Variants in PRH1 observed in about 807,000 individuals in gnomAD.
PRH1 encodes the protein salivary acidic proline-rich phosphoprotein 1/2.
PRH1 carries 7 observed loss-of-function variants against 7.9 expected under a neutral mutation model. That is an observed-to-expected ratio of 0.89 (90% CI 0.50 to 1.67). The LOEUF (loss-of-function observed/expected upper bound fraction) is 1.67. Among genes scored for constraint, PRH1 ranks in the 40% most tolerant of loss-of-function variants. The probability of loss-of-function intolerance (pLI) is 0.00; values close to 1 mark genes in which losing one functional copy is unlikely to be tolerated. For missense variants in PRH1, 109 were observed against 223.6 expected, an observed-to-expected ratio of 0.49 and a Z score of 3.27; for synonymous variants, 45 against 80.8, an observed-to-expected ratio of 0.56 and a Z score of 2.38.
At chr12:11,098,853 T>C (rs902284304) in intron 1 of PRH1, among the ~76,000 whole-genome samples, 59 of 152,150 alleles carry the variant, frequency 3.9e-4, no homozygotes, top group Non-Finnish European at 7.6e-4. Flanking sequence ...ACACCACTTA[T>C]GAATGGAACA....
chr12:10,944,161 C>A (rs1047278298), intron 2 of PRH1, among the ~76,000 whole-genome samples: 1 of 152,154 alleles, frequency 6.6e-6, no homozygotes, highest in African/African-American at 2.4e-5. Flanking sequence ...TCTGTACATT[C>A]CTTTGGGCAG....
At chr12:10,986,290 A>G (rs777715981) in intron 1 of PRH1, 1 of 1,613,980 alleles carries the variant, frequency 6.2e-7, no homozygotes, top group African/African-American at 1.3e-5. Context: ...GATATCAGGG[A>G]CAGAGTAAAG....
chr12:10,939,982 T>C (rs1051612392), intron 2 of PRH1, among the ~76,000 whole-genome samples: 4 of 152,044 alleles, frequency 2.6e-5, no homozygotes, highest in African/African-American at 7.2e-5. Context: ...CATAAATGTA[T>C]GCAAGTAAAA....
chr12:10,974,533 G>T (rs909970922), intron 1 of PRH1, among the ~76,000 whole-genome samples: 2 of 151,976 alleles, frequency 1.3e-5, no homozygotes, highest in Non-Finnish European at 2.9e-5. Flanking sequence ...CTGATCCTTG[G>T]CACCCCCAAA....
rs180729242 is a variant in PRH1, at chr12:10,927,712, C to T, written c.-58-43437G>A. On this transcript the variant is annotated intron_variant, in intron 2 of 3. Coordinates refer to the PRH1 transcript ENST00000539853. ...TCCACCCATGCACATCTGTCTAGGG[C>T]CTTGTCTTTATGATTTTCTGTCACA... 1.2e-4 allele frequency among the ~76,000 whole-genome samples: 18 copies of T among 152,318 alleles called. No individual in the cohort carries two copies. In the East Asian group the frequency reaches 2.7e-3, roughly 23 times the overall value.
At chr12:11,018,120 T>C (rs1015258436) in intron 1 of PRH1, among the ~76,000 whole-genome samples, 1 of 152,132 alleles carries the variant, frequency 6.6e-6, no homozygotes, top group Admixed American at 6.6e-5. Flanking sequence ...TCAAAGCTGC[T>C]AGAGGCATGC....
chr12:11,053,909 C>T (rs1376850490), intron 1 of PRH1, among the ~76,000 whole-genome samples: 1 of 152,188 alleles, frequency 6.6e-6, no homozygotes, highest in Admixed American at 6.5e-5. Flanking sequence ...CAACCTCCGC[C>T]TCCAAGGTTC....
At chr12:11,003,513 C>A (rs1172979120) in intron 1 of PRH1, among the ~76,000 whole-genome samples, 24 of 151,842 alleles carry the variant, frequency 1.6e-4, no homozygotes, top group Non-Finnish European at 1.3e-4. Flanking sequence ...ATGATAATCA[C>A]TTATATGTTT....
upstream of PRH1, chr12:11,048,550 A>G (rs760635425): frequency 1.8e-5 from 10 of 567,174 alleles, no homozygotes; most frequent in Non-Finnish European, 3.2e-5. Flanking sequence ...GGCAAATAAC[A>G]TAAGGAAGGA....
chr12:11,069,438 TCTC>T (rs1943966623), intron 1 of PRH1, among the ~76,000 whole-genome samples: 1 of 148,864 alleles, frequency 6.7e-6, no homozygotes. Context: ...TCTTGGGCAA[TCTC>T]ATGTTTTCAG....
chr12:11,116,088 A>C (rs528883423), downstream of PRH1, among the ~76,000 whole-genome samples: 1 of 152,210 alleles, frequency 6.6e-6, no homozygotes, highest in Admixed American at 6.5e-5. Context: ...AAAACAATAC[A>C]AAAGATCAAT....
intron 2 of PRH1, among the ~76,000 whole-genome samples, chr12:10,962,750 G>T (rs1938299391): frequency 6.6e-6 from 1 of 152,270 alleles, no homozygotes; most frequent in African/African-American, 2.4e-5. Context: ...AATAAGCAAG[G>T]TCTGCAGGAT....
intron 1 of PRH1, among the ~76,000 whole-genome samples, chr12:11,024,094 T>C (rs913967727): frequency 1.4e-4 from 22 of 152,252 alleles, no homozygotes; most frequent in African/African-American, 5.1e-4. Flanking sequence ...TTTCCTAAAG[T>C]TGCAACTAAA....
rs1005807125 is a variant in PRH1, at chr12:11,152,381, G to T, written n.39+19041C>A. Among the ~76,000 whole-genome samples, 3 of 151,682 alleles carry T rather than the reference G, an allele frequency of 2.0e-5. 1 individual carries two copies. The highest frequency in any genetic ancestry group is 2.0e-4 in the Admixed American group (3 of 15,242). Reference sequence around the variant, plus strand: ...TTCATTATTTTTGACATATGCAAGAGTATTTCTTCACAAGAAAATTTTGAT... The same window carrying T: ...TTCATTATTTTTGACATATGCAAGATTATTTCTTCACAAGAAAATTTTGAT... On this transcript the variant is annotated intron_variant and non_coding_transcript_variant, in intron 1 of 1. Transcript: ENST00000541175.
chr12:10,931,515 T>G (rs1428744591), intron 2 of PRH1, among the ~76,000 whole-genome samples: 7 of 152,208 alleles, frequency 4.6e-5, no homozygotes, highest in Non-Finnish European at 1.0e-4. Context: ...TGGTATCTCA[T>G]TTTTTAAAAC....
At chr12:11,153,185 G>A (rs74634405) in intron 1 of PRH1, among the ~76,000 whole-genome samples, 3,126 of 152,190 alleles carry the variant, frequency 0.021, 78 homozygotes, top group African/African-American at 0.044. Flanking sequence ...AATAGGGTTC[G>A]TTGCTGACTT....
chr12:11,037,820 GC>G (rs1229987392), intron 1 of PRH1, among the ~76,000 whole-genome samples: 3 of 152,190 alleles, frequency 2.0e-5, no homozygotes, highest in Non-Finnish European at 4.4e-5. Context: ...GAGGTGGATT[GC>G]CTGAGCACAA....
intron 1 of PRH1, among the ~76,000 whole-genome samples, chr12:11,163,097 A>G (rs1449369298): frequency 1.3e-5 from 2 of 152,236 alleles, no homozygotes; most frequent in African/African-American, 4.8e-5. Flanking sequence ...ATGGTTACGT[A>G]TAGTGTTCAC....
chr12:10,969,158 A>T (rs1469162040), intron 2 of PRH1, among the ~76,000 whole-genome samples: 1 of 152,202 alleles, frequency 6.6e-6, no homozygotes, highest in Non-Finnish European at 1.5e-5. Flanking sequence ...TCTTCCCCTG[A>T]AGTCCGGCTG....
Sources: gnomAD v4.1 joint callset for allele counts (sites outside exome capture counted in the v4.1 genomes callset) on GRCh38, gnomAD v4.1.1 for gene constraint, MANE v1.5 for transcripts, NCBI Gene and HGNC (gene_info 2026-07-23, HGNC 2026-07-21) for gene names.